The following STAT2 variants were observed in gnomAD, a reference collection of about 807,000 sequenced individuals.
The protein encoded by STAT2 is signal transducer and activator of transcription 2.
In STAT2, 51 loss-of-function variants were observed where a neutral mutation model predicts 122.3. That is an observed-to-expected ratio of 0.42 (90% CI 0.33 to 0.53). The LOEUF (loss-of-function observed/expected upper bound fraction) is 0.53, where lower values mean the gene tolerates loss of function less well. Among genes scored for constraint, STAT2 ranks in the 20% least tolerant of loss-of-function variants. STAT2 has a pLI of 0.10. For missense variants in STAT2, 736 were observed against 1,010.3 expected (o/e 0.73, Z 3.68); for synonymous variants, 351 against 394.9 (o/e 0.89, Z 1.32).
intron 23 of STAT2, 81 bp from the exon 24 acceptor site, chr12:56,343,612 C>T: frequency 6.4e-7 from 1 of 1,560,466 alleles, no homozygotes; most frequent in Middle Eastern, 1.9e-4. Context: ...GGGAGGATGG[C>T]AGGAAAGGCC....
At position 56,348,633 on chromosome 12, in the gene STAT2, G is replaced by A; in HGVS notation, c.1630-10C>T. ...CAGGAGGGCTCTCTCGCTGGAGGAG[G>A]AATGGAAAGGTAGCAAAAGCTGAGG... On this transcript the variant is annotated splice_polypyrimidine_tract_variant and intron_variant, in intron 18 of 23. Coordinates refer to ENST00000314128, the MANE Select transcript of STAT2 (RefSeq NM_005419.4). 12 of 1,614,208 alleles carry A rather than the reference G, an allele frequency of 7.4e-6. No individual in the cohort carries two copies. Among genetic ancestry groups the A allele is most frequent in the Non-Finnish European group, 1.0e-5 (12 of 1,180,040 alleles).
chr12:56,356,583 G>T lies in STAT2; in HGVS notation c.-7-5C>A. The T allele has an allele frequency of 2.5e-6, 4 of 1,614,010 alleles. No individual in the cohort carries two copies. The highest frequency in any genetic ancestry group is 3.4e-6 in the Non-Finnish European group (4 of 1,179,968). On this transcript the variant is annotated splice_polypyrimidine_tract_variant and splice_region_variant and intron_variant, in intron 1 of 23. Coordinates refer to ENST00000314128, the MANE Select transcript of STAT2 (RefSeq NM_005419.4). ...TCCCACTGCGCCATTTGGGCTCTGC[G>T]TCAGAAGGATGAGGGTTCCCAATTG...
At chr12:56,350,931 C>T (rs1331416388) in intron 10 of STAT2, 43 bp from the exon 11 acceptor site, 2 of 1,608,642 alleles carry the variant, frequency 1.2e-6, no homozygotes, top group South Asian at 1.1e-5. Context: ...TCAACCTCAA[C>T]CTTCCGGATA....
chr12:56,355,373 G>A (rs371922865), intron 5 of STAT2, 22 bp from the exon 6 acceptor site: 12 of 1,614,030 alleles, frequency 7.4e-6, no homozygotes, highest in Middle Eastern at 3.3e-4. Context: ...AGAGGACCCC[G>A]ATGAGGCTGC....
chr12:56,351,044 T>C, intron 10 of STAT2, 54 bp downstream of exon 10: 2 of 1,596,952 alleles, frequency 1.3e-6, no homozygotes, highest in Non-Finnish European at 1.7e-6. Context: ...AGCCAGAAAA[T>C]ACACAGTGGC....
At chr12:56,348,729 C>T in intron 18 of STAT2, 23 bp downstream of exon 18, 2 of 1,614,078 alleles carry the variant, frequency 1.2e-6, no homozygotes, top group Non-Finnish European at 1.7e-6. Context: ...GATCCAGCAG[C>T]TCCACAGGAT....
chr12:56,348,440 T>C, intron 19 of STAT2, 89 bp downstream of exon 19: 10 of 1,375,558 alleles, frequency 7.3e-6, no homozygotes, highest in Non-Finnish European at 1.0e-5. Context: ...CTTTGCTCTC[T>C]CTCCCTGCTT....
At position 56,349,071 on chromosome 12, in the gene STAT2, G is replaced by A; in HGVS notation, c.1441-12C>T. The A allele has an allele frequency of 6.2e-7, 1 of 1,613,108 alleles. No individual in the cohort carries two copies. Among genetic ancestry groups the A allele is most frequent in the African/African-American group, 1.3e-5 (1 of 75,020 alleles). On this transcript the variant is annotated splice_polypyrimidine_tract_variant and intron_variant, in intron 16 of 23. Transcript: ENST00000314128. Reference sequence around the variant, plus strand: ...AAGAACTGCTGGTTCTGCAGGGGTGGGAGCAGTGTAGGCTGGCTCAGAAGC... The same window carrying A: ...AAGAACTGCTGGTTCTGCAGGGGTGAGAGCAGTGTAGGCTGGCTCAGAAGC...
chr12:56,348,455 C>T (rs1336063927), intron 19 of STAT2, 74 bp downstream of exon 19: 67 of 1,491,068 alleles, frequency 4.5e-5, no homozygotes, highest in Admixed American at 8.4e-5. Flanking sequence ...CTGCTTGCCA[C>T]GTGAGGGTGC....
rs972044699 is a variant in STAT2, at chr12:56,341,647, T to C, written c.*1742A>G. 1 of 152,262 alleles carries C rather than the reference T, an allele frequency of 6.6e-6. No individual in the cohort carries two copies. Among genetic ancestry groups the C allele is most frequent in the African/African-American group, 2.4e-5 (1 of 41,472 alleles). The allele number at this position is 152,262 out of a possible 1,614,324, so 9.4% of individuals were successfully genotyped here. On this transcript the variant is annotated 3_prime_UTR_variant, in exon 24 of 24. Coordinates refer to ENST00000314128, the MANE Select transcript of STAT2 (RefSeq NM_005419.4). ...AGCCATTTCTGCTCAGAAGAGCCCC[T>C]TTCTGAACAGGACTGTTCCTCTGAC...
At chr12:56,346,284 T>A in intron 21 of STAT2, 81 bp from the exon 22 acceptor site, 1 of 1,582,312 alleles carries the variant, frequency 6.3e-7, no homozygotes, top group Non-Finnish European at 8.7e-7. Context: ...CAGATGGTCC[T>A]GGCAGTCTCA....
At chr12:56,350,704 A>G (rs1878327278) in intron 11 of STAT2, 125 bp downstream of exon 11, 1 of 1,077,726 alleles carries the variant, frequency 9.3e-7, no homozygotes, top group Non-Finnish European at 1.4e-6. Context: ...GAAATGAATT[A>G]TAATTTCTGT....
At chr12:56,350,940 T>C (rs1878371226) in intron 10 of STAT2, 52 bp from the exon 11 acceptor site, 1 of 1,596,452 alleles carries the variant, frequency 6.3e-7, no homozygotes, top group South Asian at 1.1e-5. Flanking sequence ...ACCTTCCGGA[T>C]AGACTAGATG....
chr12:56,357,902 A>G (rs567402311), intron 1 of STAT2, among the ~76,000 whole-genome samples: 3 of 151,644 alleles, frequency 2.0e-5, no homozygotes, highest in Non-Finnish European at 4.4e-5. Flanking sequence ...GGATTTTGCC[A>G]TGTTGCCCAG....
chr12:56,348,288 C>T lies in STAT2; in HGVS notation c.1724+241G>A, dbSNP rs11575237. Reference sequence around the variant, plus strand: ...ATTTTTAGTAGAGACGGGGTTTCACCGTGTTAGCCAGGATGGTCTCGATCT... The same window carrying T: ...ATTTTTAGTAGAGACGGGGTTTCACTGTGTTAGCCAGGATGGTCTCGATCT... On this transcript the variant is annotated intron_variant, in intron 19 of 23. Coordinates refer to ENST00000314128, the MANE Select transcript of STAT2 (RefSeq NM_005419.4). 1.3e-4 allele frequency among the ~76,000 whole-genome samples: 19 copies of T among 151,898 alleles called. No homozygotes were observed. In the East Asian group the frequency reaches 2.7e-3, roughly 22 times the overall value.
Position 56,354,806 on chromosome 12 carries a change from G to A in STAT2, c.605C>T (p.Thr202Ile), listed in dbSNP as rs768953916. ...TCTCCTTTTGTCCAGTTCATTGAGAGTTTCCTGCAGAATCTTCTGCTCTTT... is the reference window on the plus strand; with the variant it reads ...TCTCCTTTTGTCCAGTTCATTGAGAATTTCCTGCAGAATCTTCTGCTCTTT... ...QTKEQKILQE[T>I]LNELDKRRKE... is the part of the protein sequence containing the mutation. The change falls in exon 7 of 24, where the codon ACT becomes ATT. Residue 202 changes from threonine (T) to isoleucine (I), a missense_variant. By Grantham distance (89) the Thr-to-Ile change is moderately conservative. Transcript: ENST00000314128. 1 of 1,614,180 alleles carries A rather than the reference G, an allele frequency of 6.2e-7. No individual in the cohort carries two copies.
chr12:56,359,429 G>C (rs567366708), intron 1 of STAT2, among the ~76,000 whole-genome samples: 1 of 143,322 alleles, frequency 7.0e-6, no homozygotes, highest in African/African-American at 2.5e-5. Context: ...AAAAATTAAT[G>C]ATGAGGTCCC....
chr12:56,347,048 A>G, intron 19 of STAT2, 93 bp from the exon 20 acceptor site: 1 of 1,540,580 alleles, frequency 6.5e-7, no homozygotes, highest in Admixed American at 2.0e-5. Context: ...GAAACAGCCC[A>G]GGTTTGGAAT....
chr12:56,354,015 AAATAT>A (rs1487671484), intron 8 of STAT2, among the ~76,000 whole-genome samples: 1 of 53,986 alleles, frequency 1.9e-5, no homozygotes, highest in African/African-American at 4.3e-5. Flanking sequence ...AAAAAAAAAA[AAATAT>A]ATATATATAT....
Sources: allele counts gnomAD v4.1 joint callset (sites outside exome capture counted in the v4.1 genomes callset), GRCh38; gene constraint gnomAD v4.1.1; transcripts MANE v1.5; gene names NCBI Gene and HGNC (gene_info 2026-07-23, HGNC 2026-07-21).